IQCB1: variants seen among roughly 807,000 people sequenced by gnomAD.
IQCB1 encodes IQ calmodulin-binding motif-containing protein 1.
Under a neutral mutation model 84.4 loss-of-function variants are expected in IQCB1, and 56 were observed. The ratio of observed to expected loss-of-function variants is 0.66; its 90% CI spans 0.54 to 0.83. IQCB1 has a LOEUF of 0.83. IQCB1 is among the 40% of genes least tolerant of loss of function. The pLI is 0.00. For synonymous variants in IQCB1, 210 were observed against 234.8 expected (o/e 0.89, Z 0.96); for missense variants, 629 against 682.1 (o/e 0.92, Z 0.87).
chr3:121,781,668 A>ATATG, intron 13 of IQCB1, 75 bp downstream of exon 13: 9 of 1,130,218 alleles, frequency 8.0e-6, no homozygotes, highest in African/African-American at 1.6e-5. Flanking sequence ...CACACAATAT[A>ATATG]TGTGTGTGTG....
At chr3:121,791,761 C>T (rs377326402) in intron 10 of IQCB1, among the ~76,000 whole-genome samples, 35 of 152,204 alleles carry the variant, frequency 2.3e-4, no homozygotes, top group African/African-American at 8.4e-4. Context: ...GAGAGCAGGC[C>T]CTAAACAGAG....
Position 121,830,653 on chromosome 3 carries a change from C to T in IQCB1, c.-12-1681G>A, listed in dbSNP as rs191271071. Among the ~76,000 whole-genome samples, 4 of 152,264 alleles carry T rather than the reference C, an allele frequency of 2.6e-5. No individual in the cohort carries two copies. In the East Asian group the frequency reaches 7.7e-4, roughly 29 times the overall value. On this transcript the variant is annotated intron_variant, in intron 2 of 14. Transcript: ENST00000310864. The stretch of plus-strand genomic sequence containing the variant: ...TTTGTCCACAGTTTCTGGCTCATAA[C>T]TCCCATAGCCTTTGTTACAGTCTTG...
chr3:121,815,144 A>G (rs926949005), intron 5 of IQCB1, among the ~76,000 whole-genome samples: 2 of 152,204 alleles, frequency 1.3e-5, no homozygotes, highest in Non-Finnish European at 2.9e-5. Context: ...CATAAACAGA[A>G]CCAATGACAA....
chr3:121,778,660 C>T (rs1049115740), intron 13 of IQCB1, among the ~76,000 whole-genome samples: 4 of 151,840 alleles, frequency 2.6e-5, no homozygotes, highest in African/African-American at 9.7e-5. Flanking sequence ...AATCCCAGCA[C>T]TTTGGGAGGC....
At chr3:121,808,476 G>A (rs1576589053) in intron 6 of IQCB1, among the ~76,000 whole-genome samples, 1 of 151,784 alleles carries the variant, frequency 6.6e-6, no homozygotes, top group East Asian at 1.9e-4. Context: ...TAACTTCCAA[G>A]TTTACTAAAA....
At chr3:121,831,358 G>A (rs1950631870) in intron 2 of IQCB1, among the ~76,000 whole-genome samples, 1 of 151,852 alleles carries the variant, frequency 6.6e-6, no homozygotes, top group African/African-American at 2.4e-5. Flanking sequence ...ATTTTTAGTA[G>A]AGACAGGGTT....
At position 121,786,170 on chromosome 3, in the gene IQCB1, C is replaced by CAAGAAGAAAAG; in HGVS notation, c.1278+2113_1278+2114insCTTTTCTTCTT. Among the ~76,000 whole-genome samples the CAAGAAGAAAAG allele has an allele frequency of 1.8e-4, 13 of 72,872 alleles. 1 individual carries two copies. Among genetic ancestry groups the CAAGAAGAAAAG allele is most frequent in the South Asian group, 6.1e-4 (1 of 1,640 alleles). The allele number at this position is 72,872 out of a possible 152,430, so 47.8% of individuals were successfully genotyped here. ...TGGGAGACAGAGAGAGATTCTGTCT[C>CAAGAAGAAAAG]AAAAGAAAAGAAAAGAAAAGAAAAG... On this transcript the variant is annotated intron_variant, in intron 12 of 14. Transcript: ENST00000310864.
chr3:121,810,321 A>T (rs1239660484), intron 5 of IQCB1, among the ~76,000 whole-genome samples: 1 of 152,174 alleles, frequency 6.6e-6, no homozygotes, highest in Non-Finnish European at 1.5e-5. Flanking sequence ...AAAAGCTCCT[A>T]GGTAAATAGA....
In IQCB1 at chr3:121,781,771, C is replaced by T. The variant is rs1287056773; in HGVS notation, c.1382G>A (p.Arg461Gln). ...ATGTCTTCTGACATAGTCATCCACT[C>T]GTTTCTTCAGTTCAACTCGGCGTGC... ...TDARRVELKK[R>Q]VDDYVRRHLG... The change falls in exon 13 of 15, where the codon CGA becomes CAA. Residue 461 changes from arginine (R) to glutamine (Q), a missense_variant. Coordinates refer to ENST00000310864, the MANE Select transcript of IQCB1 (RefSeq NM_001023570.4). 2 of 1,613,698 alleles carry T rather than the reference C, an allele frequency of 1.2e-6. No homozygotes were observed. The highest frequency in any genetic ancestry group is 1.1e-5 in the South Asian group (1 of 91,050).
In IQCB1 at chr3:121,825,061, C is replaced by CTT. The variant is rs1553721684; in HGVS notation, c.393+988_393+989dup. On this transcript the variant is annotated intron_variant, in intron 5 of 14. Transcript: ENST00000310864. ...CAAAACAAAGGTTTCTTTTTCTTTTCTTTTTTTTTTTTTTTTCAGATGGAG... is the reference window on the plus strand; with the variant it reads ...CAAAACAAAGGTTTCTTTTTCTTTTCTTTTTTTTTTTTTTTTTTCAGATGGAG... Among the ~76,000 whole-genome samples the CTT allele has an allele frequency of 1.3e-3, 111 of 83,736 alleles. 1 individual carries two copies. Among genetic ancestry groups the CTT allele is most frequent in the South Asian group, 3.7e-3 (8 of 2,146 alleles). 54.9% of individuals were successfully genotyped at this position (83,736 alleles called of 152,430 possible).
intron 10 of IQCB1, among the ~76,000 whole-genome samples, chr3:121,792,816 A>G (rs1228024549): frequency 2.0e-5 from 3 of 152,170 alleles, no homozygotes; most frequent in African/African-American, 7.2e-5. Flanking sequence ...CCCATTTATT[A>G]TTAAATAACA....
At chr3:121,820,402 A>AT (rs755393939) in intron 5 of IQCB1, among the ~76,000 whole-genome samples, 65 of 152,306 alleles carry the variant, frequency 4.3e-4, no homozygotes, top group Middle Eastern at 3.4e-3. Flanking sequence ...CATTGCATCT[A>AT]TGTCAGACAT....
chr3:121,821,465 A>G, intron 5 of IQCB1, among the ~76,000 whole-genome samples: 1 of 151,838 alleles, frequency 6.6e-6, no homozygotes, highest in East Asian at 1.9e-4. Flanking sequence ...TTTTGGAATC[A>G]CTCTTGTTCA....
intron 12 of IQCB1, 26 bp from the exon 13 acceptor site, chr3:121,781,900 G>C (rs2108525918): frequency 7.5e-6 from 12 of 1,609,532 alleles, no homozygotes; most frequent in Middle Eastern, 1.7e-4. Flanking sequence ...TTGAAGGTTT[G>C]TGATTTTTCT....
intron 5 of IQCB1, among the ~76,000 whole-genome samples, chr3:121,824,225 T>C (rs1455284287): frequency 6.6e-6 from 1 of 152,094 alleles, no homozygotes; most frequent in Non-Finnish European, 1.5e-5. Flanking sequence ...CTGAACCCTA[T>C]ATATACTTTT....
chr3:121,781,192 T>C (rs1948473655), intron 13 of IQCB1, among the ~76,000 whole-genome samples: 2 of 152,112 alleles, frequency 1.3e-5, no homozygotes, highest in South Asian at 4.1e-4. Context: ...TAGGAGTAGA[T>C]GGTCAAGAAT....
chr3:121,832,542 G>T (rs1462458336), intron 2 of IQCB1, among the ~76,000 whole-genome samples: 1 of 152,030 alleles, frequency 6.6e-6, no homozygotes, highest in African/African-American at 2.4e-5. Flanking sequence ...GGCCAGGCTG[G>T]TCTTGAACTC....
Position 121,788,513 on chromosome 3 carries a change from A to C in IQCB1, c.1130-81T>G, listed in dbSNP as rs562134468. On this transcript the variant is annotated intron_variant, in intron 11 of 14. Transcript: ENST00000310864. Reference sequence around the variant, plus strand: ...CTGGAATCAGGACAATGATAATAATAATCTTGCATTCTTTTTATTTTTGTC... The same window carrying C: ...CTGGAATCAGGACAATGATAATAATCATCTTGCATTCTTTTTATTTTTGTC... The C allele has an allele frequency of 2.4e-4, 303 of 1,262,400 alleles. 3 individuals carry two copies. Among genetic ancestry groups the C allele is most frequent in the African/African-American group, 2.3e-3 (151 of 65,634 alleles). 78.2% of individuals were successfully genotyped at this position (1,262,400 alleles called of 1,614,324 possible).
At chr3:121,832,115 G>T (rs1559807933) in intron 2 of IQCB1, among the ~76,000 whole-genome samples, 1 of 152,126 alleles carries the variant, frequency 6.6e-6, no homozygotes, top group East Asian at 1.9e-4. Context: ...TATTAGGGAT[G>T]TCAGGCACAT....
Sources: allele counts gnomAD v4.1 joint callset (sites outside exome capture counted in the v4.1 genomes callset), GRCh38; gene constraint gnomAD v4.1.1; transcripts MANE v1.5; gene names NCBI Gene and HGNC (gene_info 2026-07-23, HGNC 2026-07-21).